METTL6: variants seen among roughly 807,000 people sequenced by gnomAD.
The protein encoded by METTL6 is tRNA N(3)-cytidine methyltransferase METTL6.
METTL6 carries 22 observed loss-of-function variants against 26.4 expected under a neutral mutation model. The ratio of observed to expected loss-of-function variants is 0.83; its 90% CI spans 0.59 to 1.19. The LOEUF is 1.19. METTL6 is among the 50% of genes most tolerant of loss of function. The pLI, the probability that METTL6 is intolerant of heterozygous loss-of-function variation, is 0.00. For missense variants in METTL6, 304 were observed against 324.8 expected, an observed-to-expected ratio of 0.94 and a Z score of 0.49; for synonymous variants, 109 against 116.2, an observed-to-expected ratio of 0.94 and a Z score of 0.40.
intron 6 of METTL6, among the ~76,000 whole-genome samples, chr3:15,387,686 T>G (rs908608085): frequency 2.6e-5 from 4 of 152,134 alleles, no homozygotes; most frequent in African/African-American, 9.7e-5. Flanking sequence ...TTATATAGCC[T>G]TATTTGAGAG....
chr3:15,418,091 T>C (rs764370786), intron 3 of METTL6, among the ~76,000 whole-genome samples: 8 of 152,188 alleles, frequency 5.3e-5, no homozygotes, highest in Non-Finnish European at 8.8e-5. Flanking sequence ...CCTGACTAGA[T>C]TGTTACAAAT....
chr3:15,383,924 G>C (rs1699128257), exon 7 of METTL6: 4 of 223,488 alleles, frequency 1.8e-5, no homozygotes, highest in Non-Finnish European at 3.6e-5. Context: ...AGGAGAATTG[G>C]TTGGAAGTCA....
chr3:15,386,499 G>C (rs549573041), intron 6 of METTL6, among the ~76,000 whole-genome samples: 72 of 152,322 alleles, frequency 4.7e-4, no homozygotes, highest in Non-Finnish European at 7.1e-4. Flanking sequence ...AGAGATCCAA[G>C]TGCCCTTTTC....
At chr3:15,408,560 C>CT (rs1553627412), downstream of METTL6, among the ~76,000 whole-genome samples, 2 of 31,544 alleles carry the variant, frequency 6.3e-5, no homozygotes, top group Non-Finnish European at 1.1e-4. Context: ...CTGCTCCTTG[C>CT]TCTTTTTTTT....
chr3:15,419,861 CTTT>C (rs1324825917), intron 3 of METTL6, among the ~76,000 whole-genome samples: 6 of 132,320 alleles, frequency 4.5e-5, no homozygotes, highest in Admixed American at 7.6e-5. Flanking sequence ...AACTGTTTTT[CTTT>C]TTTTTTTTTT....
intron 3 of METTL6, among the ~76,000 whole-genome samples, chr3:15,420,569 A>G (rs2061588741): frequency 6.6e-6 from 1 of 152,206 alleles, no homozygotes; most frequent in Non-Finnish European, 1.5e-5. Context: ...AGGGCTTTAT[A>G]CCAATGTGTT....
At chr3:15,393,094 G>A (rs1699392758) in intron 6 of METTL6, among the ~76,000 whole-genome samples, 1 of 152,122 alleles carries the variant, frequency 6.6e-6, no homozygotes, top group Non-Finnish European at 1.5e-5. Flanking sequence ...GGGCAGTATG[G>A]CCATTTTCAC....
intron 3 of METTL6, among the ~76,000 whole-genome samples, chr3:15,422,323 C>A (rs2061627155): frequency 6.6e-6 from 1 of 151,476 alleles, no homozygotes; most frequent in South Asian, 2.1e-4. Flanking sequence ...GAGACCCTAT[C>A]TCAAAAAATA....
In METTL6 at chr3:15,414,063, A is replaced by T; in HGVS notation, c.631T>A (p.Tyr211Asn). ...GATCTGGTCCCATCTTGTCTAACAT[A>T]AAAGTTTTCTCCAAGTTTGCTGCTG... ...KASSKLGENF[Y>N]VRQDGTRSYF... The change falls in exon 5 of 6, where the codon TAT becomes AAT. Residue 211 changes from tyrosine to asparagine, a missense_variant. Coordinates refer to ENST00000383790, the MANE Select transcript of METTL6 (RefSeq NM_152396.4). 6.2e-7 allele frequency: 1 copy of T among 1,614,180 alleles called. No individual in the cohort carries two copies. The highest frequency in any genetic ancestry group is 2.2e-5 in the East Asian group (1 of 44,886).
downstream of METTL6, among the ~76,000 whole-genome samples, chr3:15,407,156 A>C (rs998767087): frequency 6.6e-6 from 1 of 152,038 alleles, no homozygotes; most frequent in African/African-American, 2.4e-5. Flanking sequence ...ACTACAGTGG[A>C]CTACAGACAT....
At chr3:15,381,386 G>A (rs56326737) in exon 7 of METTL6, 38,489 of 152,056 alleles carry the variant, frequency 0.25, 5,307 homozygotes, top group Non-Finnish European at 0.31. Flanking sequence ...CTCCTTTTAC[G>A]TGAGAGGAAG....
chr3:15,402,250 T>C (rs1699667186), intron 6 of METTL6, among the ~76,000 whole-genome samples: 1 of 152,118 alleles, frequency 6.6e-6, no homozygotes, highest in African/African-American at 2.4e-5. Context: ...CTCAAAACAG[T>C]CTCTCCAAAA....
chr3:15,392,737 C>T (rs1699383752), intron 6 of METTL6, among the ~76,000 whole-genome samples: 2 of 152,138 alleles, frequency 1.3e-5, no homozygotes, highest in South Asian at 2.1e-4. Context: ...TTCCCAGCAC[C>T]ATTTATTAAA....
At chr3:15,416,167 C>T (rs1032054179) in intron 3 of METTL6, among the ~76,000 whole-genome samples, 1 of 152,142 alleles carries the variant, frequency 6.6e-6, no homozygotes, top group African/African-American at 2.4e-5. Flanking sequence ...ACTGAGGAGA[C>T]AATAAGAGTA....
intron 6 of METTL6, among the ~76,000 whole-genome samples, chr3:15,398,877 G>A (rs935720074): frequency 6.6e-6 from 1 of 152,034 alleles, no homozygotes; most frequent in African/African-American, 2.4e-5. Flanking sequence ...AAGACCTACT[G>A]GGCTGCATTC....
intron 3 of METTL6, among the ~76,000 whole-genome samples, chr3:15,416,641 T>C (rs896591020): frequency 2.0e-5 from 3 of 152,166 alleles, no homozygotes; most frequent in African/African-American, 7.2e-5. Flanking sequence ...CTTGATGAGA[T>C]GCTCCCGCAG....
intron 4 of METTL6, 188 bp downstream of exon 4, chr3:15,415,584 C>G (rs1269428000): frequency 1.9e-6 from 3 of 1,605,912 alleles, no homozygotes; most frequent in Admixed American, 1.7e-5. Flanking sequence ...AGCCATGGCA[C>G]TGCACAAATC....
At chr3:15,421,730 T>C (rs2061615244) in intron 3 of METTL6, among the ~76,000 whole-genome samples, 1 of 151,918 alleles carries the variant, frequency 6.6e-6, no homozygotes, top group Non-Finnish European at 1.5e-5. Flanking sequence ...TCCAACATAG[T>C]GAAACCCTGT....
chr3:15,413,489 T>C (rs770741772), intron 5 of METTL6, among the ~76,000 whole-genome samples: 117 of 151,968 alleles, frequency 7.7e-4, no homozygotes, highest in Admixed American at 5.0e-3. Flanking sequence ...GGTGGATCAC[T>C]TGAGTCTGGA....
Sources: allele counts gnomAD v4.1 joint callset (sites outside exome capture counted in the v4.1 genomes callset), GRCh38; gene constraint gnomAD v4.1.1; transcripts MANE v1.5; gene names NCBI Gene and HGNC (gene_info 2026-07-23, HGNC 2026-07-21).